Variants in NUDT7 observed in about 807,000 individuals in gnomAD.
NUDT7 encodes nudix hydrolase 7, also known as peroxisomal coenzyme A diphosphatase NUDT7.
In NUDT7, 19 loss-of-function variants were observed where a neutral mutation model predicts 13.1. That is an observed-to-expected ratio of 1.45 (90% confidence interval 1.01 to 2.13). NUDT7 has a LOEUF of 2.13. NUDT7 is among the 30% of genes most tolerant of loss of function. The probability of loss-of-function intolerance (pLI) is 0.00; values close to 1 mark genes in which losing one functional copy is unlikely to be tolerated. For missense variants in NUDT7, 360 were observed against 291.7 expected (o/e 1.23, Z -1.71); for synonymous variants, 132 against 109.7 (o/e 1.20, Z -1.27).
In NUDT7 at chr16:77,722,529, G is replaced by A. The variant is rs538246528; in HGVS notation, c.-54G>A. On this transcript the variant is annotated 5_prime_UTR_variant, in exon 1 of 4. Coordinates refer to ENST00000268533, the MANE Select transcript of NUDT7 (RefSeq NM_001105663.3). The stretch of plus-strand genomic sequence containing the variant: ...GCCCAGAGCTGCTCTGCGCAAGCGC[G>A]ACCGACCGAGCAGCTCCGAGGAGTC... 35 of 1,531,672 alleles carry A rather than the reference G, an allele frequency of 2.3e-5. No homozygotes were observed. The highest frequency in any genetic ancestry group is 2.8e-5 in the Non-Finnish European group (32 of 1,128,984). 94.9% of individuals were successfully genotyped at this position (1,531,672 alleles called of 1,614,324 possible). A position where few individuals can be genotyped will look rare whatever the true frequency, so the allele number is the denominator to read the frequency against.
Position 77,732,362 on chromosome 16 carries a change from A to T in NUDT7, c.190-3466A>T, listed in dbSNP as rs147528871. ...AAGAAAAAGAAAAATATTTTTATAA[A>T]CATACTATAGCCTAAGTGTCTAGTA... is the stretch of plus-strand genomic sequence containing the variant. On this transcript the variant is annotated intron_variant, in intron 2 of 3. Coordinates refer to ENST00000268533, the MANE Select transcript of NUDT7 (RefSeq NM_001105663.3). Among the ~76,000 whole-genome samples the T allele has an allele frequency of 1.3e-3, 193 of 152,168 alleles. 2 individuals carry two copies. The East Asian group carries it at 0.036, about 29-fold the overall frequency.
At chr16:77,736,157 C>T in intron 3 of NUDT7, 171 bp downstream of exon 3, 1 of 583,258 alleles carries the variant, frequency 1.7e-6, no homozygotes, top group South Asian at 2.5e-5. Flanking sequence ...CTATGGGCAA[C>T]CCCTTTTGCC....
At chr16:77,734,051 A>C (rs911221754) in intron 2 of NUDT7, among the ~76,000 whole-genome samples, 2 of 152,158 alleles carry the variant, frequency 1.3e-5, no homozygotes, top group Non-Finnish European at 2.9e-5. Context: ...AAGGAATGGA[A>C]TCAAGGAAGG....
intron 2 of NUDT7, among the ~76,000 whole-genome samples, chr16:77,730,726 C>G (rs1288157984): frequency 6.6e-6 from 1 of 151,968 alleles, no homozygotes; most frequent in Non-Finnish European, 1.5e-5. Flanking sequence ...ACATTCCCAC[C>G]AAGAGTGTGT....
intron 2 of NUDT7, among the ~76,000 whole-genome samples, chr16:77,731,348 T>G (rs935138481): frequency 2.0e-5 from 3 of 152,140 alleles, no homozygotes; most frequent in African/African-American, 7.2e-5. Flanking sequence ...TGATGGACCA[T>G]GGACCATATA....
intron 3 of NUDT7, 91 bp downstream of exon 3, chr16:77,736,077 C>T: frequency 8.4e-7 from 1 of 1,188,168 alleles, no homozygotes; most frequent in Non-Finnish European, 1.2e-6. Flanking sequence ...AACATAACCC[C>T]AAAGAGTACT....
At chr16:77,730,703 A>G (rs990329185) in intron 2 of NUDT7, among the ~76,000 whole-genome samples, 1 of 151,946 alleles carries the variant, frequency 6.6e-6, no homozygotes, top group African/African-American at 2.4e-5. Flanking sequence ...TTCCACAATG[A>G]TTGTACTAAT....
In NUDT7 at chr16:77,722,603, C is replaced by A. The variant is rs775173746; in HGVS notation, c.21C>A (p.Pro7=). 5 of 1,594,210 alleles carry A rather than the reference C, an allele frequency of 3.1e-6. No individual in the cohort carries two copies. The highest frequency in any genetic ancestry group is 4.3e-6 in the Non-Finnish European group (5 of 1,169,936). The change falls in exon 1 of 4, where the codon CCC becomes CCA. Residue 7 remains proline (P), a synonymous_variant. Coordinates refer to ENST00000268533, the MANE Select transcript of NUDT7 (RefSeq NM_001105663.3). ...GGGCAATGTCACGACTTGGTCTTCC[C>A]GAGGAGCCAGTCAGGTAAAGGCTTT... MSRLGL[P]EEPVRNSLLD...
intron 1 of NUDT7, among the ~76,000 whole-genome samples, chr16:77,724,379 C>T (rs1006516594): frequency 2.0e-5 from 3 of 152,068 alleles, no homozygotes; most frequent in African/African-American, 4.8e-5. Flanking sequence ...CTCCCACTTC[C>T]GCCTTCCAAG....
intron 2 of NUDT7, among the ~76,000 whole-genome samples, chr16:77,734,904 A>G (rs1262881925): frequency 1.3e-5 from 2 of 152,094 alleles, no homozygotes; most frequent in African/African-American, 4.8e-5. Flanking sequence ...AATATTCTGG[A>G]ATGAGATAGT....
intron 2 of NUDT7, among the ~76,000 whole-genome samples, chr16:77,734,522 C>G (rs1033582982): frequency 6.6e-6 from 1 of 152,130 alleles, no homozygotes; most frequent in Non-Finnish European, 1.5e-5. Flanking sequence ...ACTCAGGAAG[C>G]TGAGGCAGGA....
chr16:77,727,258 G>T (rs2014166768), intron 2 of NUDT7, among the ~76,000 whole-genome samples: 1 of 152,120 alleles, frequency 6.6e-6, no homozygotes, highest in South Asian at 2.1e-4. Context: ...TGGTGAAGCA[G>T]TCATTTTAAG....
intron 1 of NUDT7, 118 bp from the exon 2 acceptor site, chr16:77,725,311 CAG>C (rs985792912): frequency 2.3e-5 from 19 of 809,096 alleles, no homozygotes; most frequent in East Asian, 1.3e-4. Context: ...GAAAAATACA[CAG>C]AGAGTCAGAA....
Position 77,729,321 on chromosome 16 carries a change from A to ATCTC in NUDT7, c.189+3738_189+3739insCTCT, listed in dbSNP as rs139092043. On this transcript the variant is annotated intron_variant, in intron 2 of 3. Transcript: ENST00000268533. ...TGTACAATATGATGCTTTGAAGTATATATTCACTGTGGAATGACTAAATCT... is the reference window on the plus strand; with the variant it reads ...TGTACAATATGATGCTTTGAAGTATATCTCTATTCACTGTGGAATGACTAAATCT... Among the ~76,000 whole-genome samples, 673 of 152,292 alleles carry ATCTC rather than the reference A, an allele frequency of 4.4e-3. 17 individuals carry two copies. In the East Asian group the frequency reaches 0.05, roughly 11 times the overall value.
At chr16:77,738,488 CA>C (rs1169763994) in intron 3 of NUDT7, among the ~76,000 whole-genome samples, 3 of 152,148 alleles carry the variant, frequency 2.0e-5, no homozygotes, top group Admixed American at 1.3e-4. Flanking sequence ...ACAAAAATGC[CA>C]TTTATTGAAA....
chr16:77,735,727 G>C, intron 2 of NUDT7, 101 bp from the exon 3 acceptor site: 1 of 1,066,970 alleles, frequency 9.4e-7, no homozygotes, highest in East Asian at 2.4e-5. Flanking sequence ...GGGTAAGAAT[G>C]GTCTCTGGTA....
Position 77,722,663 on chromosome 16 carries a change from G to A in NUDT7, c.35+46G>A, listed in dbSNP as rs776711742. ...GGCACCCCGAGCTTGGTCAGGCCCG[G>A]CCTTGATCGTAGCGGAGGCCACCGG... On this transcript the variant is annotated intron_variant, in intron 1 of 3. Coordinates refer to ENST00000268533, the MANE Select transcript of NUDT7 (RefSeq NM_001105663.3). 24 of 1,557,120 alleles carry A rather than the reference G, an allele frequency of 1.5e-5. No individual in the cohort carries two copies. The East Asian group carries it at 5.5e-4, about 35-fold the overall frequency.
chr16:77,733,273 G>A (rs942600172), intron 2 of NUDT7, among the ~76,000 whole-genome samples: 1 of 152,184 alleles, frequency 6.6e-6, no homozygotes, highest in Admixed American at 6.5e-5. Context: ...TCACAGTTCT[G>A]GAGGCTGGGA....
At chr16:77,726,627 T>A (rs924225066) in intron 2 of NUDT7, among the ~76,000 whole-genome samples, 1 of 151,994 alleles carries the variant, frequency 6.6e-6, no homozygotes, top group Non-Finnish European at 1.5e-5. Context: ...AAACCCCATC[T>A]CTACTAAAAA....
Sources: allele counts gnomAD v4.1 joint callset (sites outside exome capture counted in the v4.1 genomes callset), GRCh38; gene constraint gnomAD v4.1.1; transcripts MANE v1.5; gene names NCBI Gene and HGNC (gene_info 2026-07-23, HGNC 2026-07-21).